The following LIN9 variants were observed in gnomAD, a reference collection of about 807,000 sequenced individuals.
The protein encoded by LIN9 is protein lin-9 homolog.
LIN9 carries 18 observed loss-of-function variants against 78.0 expected under a neutral mutation model. The ratio of observed to expected loss-of-function variants is 0.23; its 90% confidence interval spans 0.16 to 0.34. The LOEUF is 0.34. Among genes scored for constraint, LIN9 ranks in the 10% least tolerant of loss-of-function variants. The pLI is 1.00. For missense variants in LIN9, 451 were observed against 644.1 expected, an observed-to-expected ratio of 0.70 and a Z score of 3.25; for synonymous variants, 192 against 215.2, an observed-to-expected ratio of 0.89 and a Z score of 0.94.
chr1:226,257,635 G>A (rs1016369600), intron 10 of LIN9, among the ~76,000 whole-genome samples: 1 of 151,544 alleles, frequency 6.6e-6, no homozygotes, highest in African/African-American at 2.4e-5. Flanking sequence ...TAAACTCTAG[G>A]GCAACCATTA....
intron 1 of LIN9, among the ~76,000 whole-genome samples, chr1:226,301,805 C>T (rs1328435930): frequency 6.6e-6 from 1 of 152,206 alleles, no homozygotes; most frequent in Non-Finnish European, 1.5e-5. Flanking sequence ...TGATGGCTGA[C>T]ACCTGTAATC....
chr1:226,248,195 G>A (rs1658605934), intron 11 of LIN9, among the ~76,000 whole-genome samples: 1 of 152,164 alleles, frequency 6.6e-6, no homozygotes, highest in Admixed American at 6.5e-5. Flanking sequence ...CCACGTTTGA[G>A]TTCTGTCACT....
chr1:226,247,435 C>T (rs1658556222), intron 11 of LIN9, among the ~76,000 whole-genome samples: 1 of 152,042 alleles, frequency 6.6e-6, no homozygotes, highest in Non-Finnish European at 1.5e-5. Flanking sequence ...CTATATTCCT[C>T]CAAAGAGGAC....
intron 10 of LIN9, among the ~76,000 whole-genome samples, chr1:226,263,140 A>G (rs1003412474): frequency 6.6e-6 from 1 of 152,222 alleles, no homozygotes; most frequent in African/African-American, 2.4e-5. Context: ...AGGGGAAGAG[A>G]TAAAAAGGTG....
chr1:226,293,499 T>A (rs1661922340), intron 4 of LIN9, among the ~76,000 whole-genome samples: 1 of 152,244 alleles, frequency 6.6e-6, no homozygotes, highest in African/African-American at 2.4e-5. Flanking sequence ...CATTCAACCT[T>A]GTATACAACA....
At chr1:226,269,740 G>T (rs953580958) in intron 7 of LIN9, among the ~76,000 whole-genome samples, 2 of 152,092 alleles carry the variant, frequency 1.3e-5, no homozygotes, top group Non-Finnish European at 2.9e-5. Context: ...TGGCTAACTG[G>T]GTTACTATGC....
rs910508573 is a variant in LIN9 at position 226,277,785 on chromosome 1, C to T, written c.672G>A (p.Thr224=). Residue 224 remains threonine, a synonymous_variant, in exon 7 of 15, where the codon ACG becomes ACA. Transcript: ENST00000681046. ...DEIPLPLVIG[T]KVTARLRGVH... ...CTTGTTTTCACTTACCTGTAACTTTCGTTCCAATAACCAGAGGCAAAGGAA... is the reference window on the plus strand; with the variant it reads ...CTTGTTTTCACTTACCTGTAACTTTTGTTCCAATAACCAGAGGCAAAGGAA... The T allele has an allele frequency of 1.2e-5, 19 of 1,612,942 alleles. No homozygotes were observed. Among genetic ancestry groups the T allele is most frequent in the Middle Eastern group, 3.3e-4 (2 of 6,056 alleles).
intron 11 of LIN9, among the ~76,000 whole-genome samples, chr1:226,246,792 C>CAAAAAAAA (rs34407541): frequency 1.3e-5 from 1 of 78,028 alleles, no homozygotes; most frequent in African/African-American, 4.9e-5. Flanking sequence ...GACTCTGTCT[C>CAAAAAAAA]AAAAAAAAAA....
chr1:226,243,329 GA>G (rs1460592375), intron 11 of LIN9, among the ~76,000 whole-genome samples: 1 of 152,220 alleles, frequency 6.6e-6, no homozygotes, highest in Non-Finnish European at 1.5e-5. Context: ...TAGGATTGAA[GA>G]GAGTGATCTA....
At chr1:226,236,256 A>G (rs1427659226) in intron 12 of LIN9, among the ~76,000 whole-genome samples, 1 of 151,440 alleles carries the variant, frequency 6.6e-6, no homozygotes, top group African/African-American at 2.4e-5. Flanking sequence ...TTCACAAATC[A>G]AACATGCCTG....
chr1:226,283,715 GGGCAGGC>G (rs1313865135), intron 6 of LIN9, among the ~76,000 whole-genome samples: 2 of 152,088 alleles, frequency 1.3e-5, no homozygotes, highest in African/African-American at 4.8e-5. Flanking sequence ...TGGGAGGCCG[GGGCAGGC>G]GGATTGCCTG....
At chr1:226,286,155 G>C (rs996513427) in intron 6 of LIN9, among the ~76,000 whole-genome samples, 178 bp downstream of exon 6, 1 of 152,030 alleles carries the variant, frequency 6.6e-6, no homozygotes, top group African/African-American at 2.4e-5. Flanking sequence ...GTCTCACTGT[G>C]TTGCCCAGGC....
chr1:226,239,786 GTGTT>G (rs1423761038), intron 11 of LIN9, among the ~76,000 whole-genome samples: 1 of 152,152 alleles, frequency 6.6e-6, no homozygotes, highest in African/African-American at 2.4e-5. Flanking sequence ...TTACCAACAA[GTGTT>G]AATGGACTTT....
chr1:226,291,961 A>G (rs1209619931), intron 4 of LIN9, among the ~76,000 whole-genome samples: 1 of 152,190 alleles, frequency 6.6e-6, no homozygotes, highest in African/African-American at 2.4e-5. Flanking sequence ...GAAAAAATTT[A>G]TAAGTGAGGA....
At chr1:226,271,079 ACT>A (rs1660245564) in intron 7 of LIN9, among the ~76,000 whole-genome samples, 1 of 152,028 alleles carries the variant, frequency 6.6e-6, no homozygotes, top group Admixed American at 6.6e-5. Context: ...CTTTTTTAAC[ACT>A]CTCATTTCTC....
intron 7 of LIN9, among the ~76,000 whole-genome samples, chr1:226,273,834 C>CTTTTTTTTTTT (rs572172734): frequency 7.3e-6 from 1 of 137,136 alleles, no homozygotes; most frequent in Non-Finnish European, 1.6e-5. Context: ...CTCAACATTA[C>CTTTTTTTTTTT]TTTTTTTTTT....
intron 6 of LIN9, among the ~76,000 whole-genome samples, chr1:226,285,113 A>G (rs544556171): frequency 6.6e-6 from 1 of 152,324 alleles, no homozygotes; most frequent in South Asian, 2.1e-4. Context: ...AGAGAATAGA[A>G]GATCAATTAA....
intron 2 of LIN9, 130 bp downstream of exon 2, chr1:226,301,043 T>G (rs1662506343): frequency 2.0e-6 from 1 of 501,548 alleles, no homozygotes; most frequent in African/African-American, 1.9e-5. Context: ...TTTAAGGTTA[T>G]CAGTGAAAAC....
intron 1 of LIN9, among the ~76,000 whole-genome samples, chr1:226,303,058 G>A (rs993242774): frequency 2.6e-5 from 4 of 152,168 alleles, no homozygotes; most frequent in African/African-American, 9.7e-5. Flanking sequence ...AATGACAAAA[G>A]GCAGTAAAGT....
Sources: gnomAD v4.1 joint callset for allele counts (sites outside exome capture counted in the v4.1 genomes callset) on GRCh38, gnomAD v4.1.1 for gene constraint, MANE v1.5 for transcripts, NCBI Gene and HGNC (gene_info 2026-07-23, HGNC 2026-07-21) for gene names.